ARHGAP17: variants seen among roughly 807,000 people sequenced by gnomAD.
ARHGAP17 encodes Rho GTPase activating protein 17.
A neutral mutation model predicts 99.5 loss-of-function variants in ARHGAP17; 57 were observed. The ratio of observed to expected loss-of-function variants is 0.57; its 90% CI spans 0.46 to 0.71. The LOEUF is 0.71. Among genes scored for constraint, ARHGAP17 ranks in the 30% least tolerant of loss-of-function variants. The pLI is 0.00. For synonymous variants in ARHGAP17, 417 were observed against 429.6 expected (o/e 0.97, Z 0.36); for missense variants, 1,000 against 1,122.4 (o/e 0.89, Z 1.56).
At chr16:24,953,184 T>G (rs2051696651) in intron 10 of ARHGAP17, 142 bp from the exon 11 acceptor site, 1 of 707,810 alleles carries the variant, frequency 1.4e-6, no homozygotes, top group Non-Finnish European at 2.4e-6. Flanking sequence ...TGCAGGGCTG[T>G]CAGGAGGAAT....
chr16:24,942,783 A>AG (rs1284348637), intron 15 of ARHGAP17, among the ~76,000 whole-genome samples: 1 of 151,900 alleles, frequency 6.6e-6, no homozygotes, highest in Non-Finnish European at 1.5e-5. Context: ...AAAAAAAAAA[A>AG]AGAGAGATAT....
chr16:24,977,033 G>A (rs756776378), intron 3 of ARHGAP17, among the ~76,000 whole-genome samples, 182 bp downstream of exon 3: 4 of 152,246 alleles, frequency 2.6e-5, no homozygotes, highest in Non-Finnish European at 5.9e-5. Context: ...AGGGCTTCCA[G>A]CCCAGCGATG....
chr16:24,949,306 G>T (rs950093663), intron 13 of ARHGAP17, 98 bp downstream of exon 13: 5 of 897,808 alleles, frequency 5.6e-6, no homozygotes, highest in African/African-American at 3.4e-5. Flanking sequence ...TGTTGTTGTT[G>T]TTTTTTAATG....
chr16:24,994,798 C>T (rs1337158397), intron 1 of ARHGAP17, among the ~76,000 whole-genome samples: 1 of 152,182 alleles, frequency 6.6e-6, no homozygotes, highest in African/African-American at 2.4e-5. Flanking sequence ...TCTTAACCAC[C>T]TAATACACAC....
rs149135536 is a variant in ARHGAP17 at position 24,955,453 on chromosome 16, C to G, written c.725-723G>C. 6.6e-6 allele frequency: 1 copy of G among 152,178 alleles called. No individual in the cohort carries two copies. The highest frequency in any genetic ancestry group is 2.4e-5 in the African/African-American group (1 of 41,442). The allele number at this position is 152,178 out of a possible 1,614,324, so 9.4% of individuals were successfully genotyped here. ...GCAGCTTAGCACAAATACAATGAAG[C>G]AGTAAAATAGAAAGAAGAATTTAGA... is the stretch of plus-strand genomic sequence containing the variant. On this transcript the variant is annotated intron_variant, in intron 9 of 19. Coordinates refer to ENST00000289968, the MANE Select transcript of ARHGAP17 (RefSeq NM_001006634.3). The surrounding 1 kb of genome is among the most constrained non-coding windows in gnomAD (Gnocchi z 4.0).
intron 9 of ARHGAP17, among the ~76,000 whole-genome samples, chr16:24,959,054 A>G (rs1017030239): frequency 2.6e-5 from 4 of 152,164 alleles, no homozygotes; most frequent in African/African-American, 7.2e-5. Context: ...AAAATTCAAC[A>G]TAAGGGGAAA....
At chr16:24,993,705 C>A (rs1305279161) in intron 1 of ARHGAP17, among the ~76,000 whole-genome samples, 5 of 152,014 alleles carry the variant, frequency 3.3e-5, no homozygotes, top group African/African-American at 1.2e-4. Context: ...ACAATGTGAA[C>A]CAGTCTTTGA....
chr16:24,931,327 C>T lies in ARHGAP17; in HGVS notation c.1972G>A (p.Gly658Arg). The T allele has an allele frequency of 2.0e-6, 3 of 1,515,330 alleles. No individual in the cohort carries two copies. The highest frequency in any genetic ancestry group is 2.6e-6 in the Non-Finnish European group (3 of 1,133,470). The allele number at this position is 1,515,330 out of a possible 1,614,324, so 93.9% of individuals were successfully genotyped here. ...AGACTGGGTGGATGCTGAGATGTTC[C>T]TGAAGAACTCTGGCCCCCGGGGTGG... ...PGHPGGQSSSGTSQHPPSLSP... is the reference protein window; with the variant it reads ...PGHPGGQSSSRTSQHPPSLSP... Residue 658 changes from glycine (G) to arginine (R), a missense_variant, in exon 19 of 20, where the codon GGA becomes AGA. By Grantham distance (125) the Gly-to-Arg change is moderately radical (BLOSUM62 -2). This residue lies in a region of ARHGAP17 where 528 missense variants were observed against 511.4 expected (regional missense o/e 1.03). Coordinates refer to ENST00000289968, the MANE Select transcript of ARHGAP17 (RefSeq NM_001006634.3).
intron 9 of ARHGAP17, chr16:24,956,162 G>C (rs1369913597): frequency 6.6e-6 from 1 of 152,250 alleles, no homozygotes; most frequent in Non-Finnish European, 1.5e-5. Flanking sequence ...GGGGGGTTCT[G>C]CAAATGACAC....
chr16:24,931,598 A>G (rs1444920837), intron 18 of ARHGAP17, among the ~76,000 whole-genome samples, 194 bp from the exon 19 acceptor site: 3 of 152,128 alleles, frequency 2.0e-5, no homozygotes, highest in African/African-American at 7.2e-5. Context: ...AACATCTGAC[A>G]AACACAAATT....
Position 24,919,884 on chromosome 16 carries a change from AT to A in ARHGAP17, c.*245del. 3 of 410,718 alleles carry A rather than the reference AT, an allele frequency of 7.3e-6. No homozygotes were observed. The highest frequency in any genetic ancestry group is 1.3e-5 in the Non-Finnish European group (3 of 238,458). 25.4% of individuals were successfully genotyped at this position (410,718 alleles called of 1,614,324 possible). A position where few individuals can be genotyped will look rare whatever the true frequency, so the allele number is the denominator to read the frequency against. On this transcript the variant is annotated 3_prime_UTR_variant, in exon 20 of 20. Transcript: ENST00000289968. ...CACTCCAGGTACTTCTTTGTTTTGG[AT>A]TTTTTTGGCATGATTTCCTTCCCAT...
At chr16:24,970,454 C>T in intron 4 of ARHGAP17, 53 bp downstream of exon 4, 6 of 1,555,806 alleles carry the variant, frequency 3.9e-6, no homozygotes, top group East Asian at 2.2e-5. Flanking sequence ...CCTGGCCCAG[C>T]CACTTCCACC....
chr16:24,975,504 C>G (rs147485768), intron 3 of ARHGAP17, among the ~76,000 whole-genome samples: 1 of 152,034 alleles, frequency 6.6e-6, no homozygotes, highest in Admixed American at 6.5e-5. Flanking sequence ...GGTCTGGTTC[C>G]GAGGGACAGA....
intron 14 of ARHGAP17, among the ~76,000 whole-genome samples, chr16:24,946,404 A>G (rs1007827653): frequency 6.6e-6 from 1 of 151,668 alleles, no homozygotes; most frequent in East Asian, 1.9e-4. Context: ...TGGCTGTACG[A>G]AACTGTTAAC....
chr16:24,931,040 G>A lies in ARHGAP17; in HGVS notation c.2259C>T (p.Thr753=), dbSNP rs775588000. 2.5e-6 allele frequency: 4 copies of A among 1,609,700 alleles called. No individual in the cohort carries two copies. The highest frequency in any genetic ancestry group is 1.7e-6 in the Non-Finnish European group (2 of 1,177,758). Residue 753 remains threonine (T), a synonymous_variant, in exon 19 of 20, where the codon ACC becomes ACT. Coordinates refer to ENST00000289968, the MANE Select transcript of ARHGAP17 (RefSeq NM_001006634.3). The part of the protein sequence containing the change: ...SEHGLEQPSH[T]PPQTPTPPST... ...TGGGGGGCGTTGGAGTCTGGGGAGG[G>A]GTGTGAGATGGCTGCTCAAGTCCAT... is the stretch of plus-strand genomic sequence containing the variant.
At chr16:24,980,217 T>C (rs1023611829) in intron 1 of ARHGAP17, among the ~76,000 whole-genome samples, 1 of 151,844 alleles carries the variant, frequency 6.6e-6, no homozygotes, top group African/African-American at 2.4e-5. Flanking sequence ...AAGCTCAGAG[T>C]AGTGCCAACT....
chr16:24,919,592 G>A lies in ARHGAP17; in HGVS notation c.*538C>T, dbSNP rs1252820253. On this transcript the variant is annotated 3_prime_UTR_variant, in exon 20 of 20. Coordinates refer to ENST00000289968, the MANE Select transcript of ARHGAP17 (RefSeq NM_001006634.3). ...CAGAGCCAGCAGTCACCATCCATGG[G>A]CATGGTTCTGAGGGGACTGGGGAGA... 3.3e-5 allele frequency: 5 copies of A among 152,506 alleles called. No individual in the cohort carries two copies. The allele number at this position is 152,506 out of a possible 1,614,324, so 9.4% of individuals were successfully genotyped here.
chr16:24,981,852 C>G (rs1007481650), intron 1 of ARHGAP17, among the ~76,000 whole-genome samples: 1 of 152,050 alleles, frequency 6.6e-6, no homozygotes, highest in African/African-American at 2.4e-5. Flanking sequence ...AGAAAACATA[C>G]CTCAGAGTAT....
At chr16:24,982,095 ATT>A (rs34637722) in intron 1 of ARHGAP17, among the ~76,000 whole-genome samples, 2 of 150,428 alleles carry the variant, frequency 1.3e-5, no homozygotes, top group Non-Finnish European at 1.5e-5. Context: ...GCAGGCTTAG[ATT>A]TTTTTTTTTT....
Sources: allele counts gnomAD v4.1 joint callset (sites outside exome capture counted in the v4.1 genomes callset), GRCh38; gene constraint gnomAD v4.1.1; regional missense constraint gnomAD v4.1.1; non-coding constraint Gnocchi (gnomAD v3.1); transcripts MANE v1.5; gene names NCBI Gene and HGNC (gene_info 2026-07-23, HGNC 2026-07-21).